Variants in ZNF343 observed in about 807,000 individuals in gnomAD.
ZNF343 encodes zinc finger protein 343.
A neutral mutation model predicts 13.8 loss-of-function variants in ZNF343; 11 were observed. The observed-to-expected ratio is 0.80, with a 90% CI of 0.50 to 1.32. The LOEUF (loss-of-function observed/expected upper bound fraction) is 1.32, where lower values mean the gene tolerates loss of function less well. Ranked by LOEUF, ZNF343 falls within the 40% of genes most tolerant of loss-of-function variation. The probability of loss-of-function intolerance (pLI) is 0.00; values close to 1 mark genes in which losing one functional copy is unlikely to be tolerated. For missense variants in ZNF343, 658 were observed against 714.2 expected (o/e 0.92, Z 0.90); for synonymous variants, 248 against 260.0 (o/e 0.95, Z 0.44).
At chr20:2,524,784 CCT>C (rs2085797965), upstream of ZNF343, 1 of 152,450 alleles carries the variant, frequency 6.6e-6, no homozygotes, top group Non-Finnish European at 1.5e-5. Flanking sequence ...TTGGCCCTTC[CCT>C]CTTACTATTT....
At chr20:2,490,291 T>C (rs555912514) in intron 5 of ZNF343, among the ~76,000 whole-genome samples, 1 of 151,874 alleles carries the variant, frequency 6.6e-6, no homozygotes, top group Non-Finnish European at 1.5e-5. Flanking sequence ...AAAAGGAGTA[T>C]GTGACACTGA....
chr20:2,496,353 A>G lies in ZNF343; in HGVS notation c.-149-2309T>C, dbSNP rs970263464. Among the ~76,000 whole-genome samples, 4 of 152,186 alleles carry G rather than the reference A, an allele frequency of 2.6e-5. No homozygotes were observed. The East Asian group carries it at 5.8e-4, about 22-fold the overall frequency. ...AGTGAGCCCTGCTATTTCAGAAATA[A>G]CAAGTTCACTGTGGCAGGAGGGTGT... On this transcript the variant is annotated intron_variant, in intron 2 of 5. Transcript: ENST00000278772.
At chr20:2,520,383 A>G (rs2085777167) in intron 1 of ZNF343, among the ~76,000 whole-genome samples, 1 of 152,188 alleles carries the variant, frequency 6.6e-6, no homozygotes. Context: ...CTATAATCCC[A>G]GCACTTTAGG....
At chr20:2,516,520 A>G (rs2085760109) in intron 1 of ZNF343, among the ~76,000 whole-genome samples, 1 of 152,114 alleles carries the variant, frequency 6.6e-6, no homozygotes, top group South Asian at 2.1e-4. Flanking sequence ...GAGTGAGATC[A>G]AGGTCAGTGT....
intron 1 of ZNF343, among the ~76,000 whole-genome samples, chr20:2,502,950 T>A (rs1221141735): frequency 6.6e-6 from 1 of 152,104 alleles, no homozygotes; most frequent in East Asian, 1.9e-4. Context: ...AGGATCAAAT[T>A]AACACATAAC....
rs1300149238 is a variant in ZNF343, at chr20:2,483,391, T to C, written c.1570A>G (p.Arg524Gly). ...THSNEKPYIC[R>G]ECGRGFCDKS... ...TCACAAAAGCCTCGCCCACATTCCC[T>C]GCAAATATAAGGCTTCTCATTTGAG... Residue 524 changes from arginine (R) to glycine (G), a missense_variant, in exon 6 of 6, where the codon AGG becomes GGG. Transcript: ENST00000278772. 6.2e-7 allele frequency: 1 copy of C among 1,612,298 alleles called. No individual in the cohort carries two copies. The highest frequency in any genetic ancestry group is 2.2e-5 in the East Asian group (1 of 44,730).
chr20:2,489,057 A>G (rs1029818270), intron 5 of ZNF343, among the ~76,000 whole-genome samples: 1 of 152,208 alleles, frequency 6.6e-6, no homozygotes, highest in Non-Finnish European at 1.5e-5. Flanking sequence ...AAATATATAT[A>G]AATTTTTTTT....
intron 5 of ZNF343, chr20:2,491,732 A>G (rs529640676): frequency 6.6e-6 from 1 of 152,398 alleles, no homozygotes; most frequent in South Asian, 2.1e-4. Context: ...GGGTTGTTAC[A>G]GAGGGCTTAT....
At position 2,483,104 on chromosome 20, in the gene ZNF343, G is replaced by C. The variant is rs142026541; in HGVS notation, c.*57C>G. The C allele has an allele frequency of 1.3e-6, 2 of 1,547,546 alleles. No homozygotes were observed. Among genetic ancestry groups the C allele is most frequent in the African/African-American group, 2.7e-5 (2 of 73,054 alleles). ...CATGTGTCTCTCTGGGGTAACATGA[G>C]GCTTGACTGGTCACTCAGGTCTTGT... On this transcript the variant is annotated 3_prime_UTR_variant, in exon 6 of 6. Transcript: ENST00000278772.
chr20:2,521,141 A>G (rs2085780646), intron 1 of ZNF343, among the ~76,000 whole-genome samples: 1 of 152,176 alleles, frequency 6.6e-6, no homozygotes, highest in Non-Finnish European at 1.5e-5. Context: ...ATGAACGTGT[A>G]ATCTCTGGGG....
At chr20:2,493,407 A>G in intron 4 of ZNF343, 112 bp downstream of exon 4, 1 of 986,062 alleles carries the variant, frequency 1.0e-6, no homozygotes, top group South Asian at 1.3e-5. Context: ...TGCTTCACTC[A>G]TCTACCCAGA....
At chr20:2,497,219 A>G (rs898544688) in intron 2 of ZNF343, among the ~76,000 whole-genome samples, 1 of 152,218 alleles carries the variant, frequency 6.6e-6, no homozygotes, top group East Asian at 1.9e-4. Flanking sequence ...CAAGTAGGCA[A>G]TTAGTCATCC....
chr20:2,492,138 C>G (rs1425695291), intron 5 of ZNF343: 1 of 155,528 alleles, frequency 6.4e-6, no homozygotes, highest in African/African-American at 2.4e-5. Flanking sequence ...TTATGAAACC[C>G]CCAAACCACA....
chr20:2,490,385 C>T (rs554854918), intron 5 of ZNF343, among the ~76,000 whole-genome samples: 9 of 152,140 alleles, frequency 5.9e-5, no homozygotes, highest in Admixed American at 4.6e-4. Context: ...CTGGAGACTG[C>T]GGAACATTAT....
intron 1 of ZNF343, among the ~76,000 whole-genome samples, chr20:2,514,018 T>C (rs542003351): frequency 6.6e-6 from 1 of 152,320 alleles, no homozygotes; most frequent in East Asian, 1.9e-4. Flanking sequence ...GGATTCCCTT[T>C]TGGGGCGATG....
chr20:2,483,610 T>A lies in ZNF343; in HGVS notation c.1351A>T (p.Thr451Ser), dbSNP rs111588097. The A allele has an allele frequency of 3.1e-6, 5 of 1,612,910 alleles. No individual in the cohort carries two copies. The East Asian group carries it at 1.1e-4, about 36-fold the overall frequency. ...ECGRGFCDKS[T>S]LIIHERTHSG... is the part of the protein sequence containing the mutation. ...TGCGTCCGCTCGTGTATGATGAGGG[T>A]TGACTTGTCACAAAAGCCTCGCCCA... Residue 451 changes from threonine (T) to serine (S), a missense_variant, in exon 6 of 6, where the codon ACC becomes TCC. Transcript: ENST00000278772.
chr20:2,489,950 G>A (rs949980793), intron 5 of ZNF343, among the ~76,000 whole-genome samples: 6 of 150,236 alleles, frequency 4.0e-5, no homozygotes, highest in African/African-American at 9.8e-5. Context: ...CCAAGAGTTC[G>A]AGACCAGCCT....
intron 5 of ZNF343, among the ~76,000 whole-genome samples, chr20:2,487,992 C>T (rs2085307868): frequency 1.3e-5 from 2 of 152,178 alleles, no homozygotes; most frequent in Non-Finnish European, 2.9e-5. Flanking sequence ...TGCCTATTTT[C>T]TTCCTATCTG....
intron 3 of ZNF343, 33 bp from the exon 4 acceptor site, chr20:2,493,610 GACCCCCCCACCCCCC>G: frequency 6.5e-7 from 1 of 1,534,488 alleles, no homozygotes; most frequent in South Asian, 1.1e-5. Context: ...TGAGAAACCA[GACCCCCCCACCCCCC>G]ACCCCCCACC....
Sources: allele counts gnomAD v4.1 joint callset (sites outside exome capture counted in the v4.1 genomes callset), GRCh38; gene constraint gnomAD v4.1.1; transcripts MANE v1.5; gene names NCBI Gene and HGNC (gene_info 2026-07-23, HGNC 2026-07-21).